The following CDYL2 variants were observed in gnomAD, a reference collection of about 807,000 sequenced individuals.
CDYL2 encodes the protein chromodomain Y-like protein 2.
In CDYL2, 23 loss-of-function variants were observed where a neutral mutation model predicts 49.4. The ratio of observed to expected loss-of-function variants is 0.47; its 90% CI spans 0.34 to 0.66. The LOEUF is 0.66. Among genes scored for constraint, CDYL2 ranks in the 30% least tolerant of loss-of-function variants. CDYL2 has a pLI of 0.01. For synonymous variants in CDYL2, 360 were observed against 268.8 expected (o/e 1.34, Z -3.32); for missense variants, 678 against 656.4 (o/e 1.03, Z -0.36).
In CDYL2 at chr16:80,794,775, G is replaced by A. The variant is rs559794814; in HGVS notation, c.24+9375C>T. On this transcript the variant is annotated intron_variant, in intron 1 of 6. Coordinates refer to ENST00000570137, the MANE Select transcript of CDYL2 (RefSeq NM_152342.4). ...TACAGGCATGTGCCACCACACACCC[G>A]GCTAATTTTGTGTTTTTAGTAGAGA... 3.4e-4 allele frequency among the ~76,000 whole-genome samples: 51 copies of A among 151,692 alleles called. 1 individual carries two copies. The highest frequency in any genetic ancestry group is 2.3e-3 in the Admixed American group (35 of 15,230).
chr16:80,762,394 A>C (rs143509304), intron 1 of CDYL2, among the ~76,000 whole-genome samples: 1 of 152,328 alleles, frequency 6.6e-6, no homozygotes, highest in East Asian at 1.9e-4. Flanking sequence ...CCAAACGTGG[A>C]AAGAGCAGAA....
At chr16:80,694,523 G>A (rs138007727) in intron 1 of CDYL2, among the ~76,000 whole-genome samples, 11 of 152,264 alleles carry the variant, frequency 7.2e-5, no homozygotes, top group African/African-American at 2.4e-4. Context: ...TAAAGGAGAA[G>A]ATTAGAATAA....
At chr16:80,738,709 T>A (rs1905627791) in intron 1 of CDYL2, 1 of 152,246 alleles carries the variant, frequency 6.6e-6, no homozygotes, top group Non-Finnish European at 1.5e-5. Context: ...CACAACTCTG[T>A]AAATACACTA....
chr16:80,622,605 T>G (rs1174158679), intron 3 of CDYL2, among the ~76,000 whole-genome samples: 1 of 152,182 alleles, frequency 6.6e-6, no homozygotes, highest in African/African-American at 2.4e-5. Flanking sequence ...TGGGGTATGG[T>G]GGACACTCAG....
At chr16:80,785,525 T>C (rs909682678) in intron 1 of CDYL2, among the ~76,000 whole-genome samples, 1 of 152,100 alleles carries the variant, frequency 6.6e-6, no homozygotes, top group Non-Finnish European at 1.5e-5. Context: ...ATCATGAAAA[T>C]GGCCTTACTG....
chr16:80,648,051 CA>C (rs1908426586), intron 2 of CDYL2, among the ~76,000 whole-genome samples: 1 of 151,012 alleles, frequency 6.6e-6, no homozygotes, highest in Non-Finnish European at 1.5e-5. Flanking sequence ...GTGCCTATAC[CA>C]AAAAAGAAGA....
At chr16:80,722,964 T>G (rs1905048408) in intron 1 of CDYL2, among the ~76,000 whole-genome samples, 2 of 152,054 alleles carry the variant, frequency 1.3e-5, no homozygotes, top group African/African-American at 4.8e-5. Flanking sequence ...GCAAGGAGGA[T>G]TTCCACAAGC....
At chr16:80,604,581 A>G (rs759322067) in intron 6 of CDYL2, 35 bp from the exon 7 acceptor site, 6 of 1,612,208 alleles carry the variant, frequency 3.7e-6, no homozygotes, top group Non-Finnish European at 5.1e-6. Context: ...TTAGCCGGGC[A>G]CCAGGGACTC....
chr16:80,651,316 C>T (rs1056942656), intron 2 of CDYL2, among the ~76,000 whole-genome samples: 11 of 151,894 alleles, frequency 7.2e-5, no homozygotes, highest in African/African-American at 1.7e-4. Context: ...ATAGTAAATG[C>T]GTATTACTAA....
chr16:80,752,922 T>C (rs548106380), intron 1 of CDYL2, among the ~76,000 whole-genome samples: 1 of 152,176 alleles, frequency 6.6e-6, no homozygotes, highest in Non-Finnish European at 1.5e-5. Flanking sequence ...CTATCCCATA[T>C]TGAAAGCTGA....
intron 1 of CDYL2, among the ~76,000 whole-genome samples, chr16:80,745,561 A>T (rs1242681705): frequency 6.6e-6 from 1 of 152,152 alleles, no homozygotes; most frequent in Non-Finnish European, 1.5e-5. Context: ...TGGTGTGAGG[A>T]TTAAAACACT....
Position 80,685,138 on chromosome 16 carries a change from C to A in CDYL2, c.25-9G>T. On this transcript the variant is annotated splice_polypyrimidine_tract_variant and intron_variant, in intron 1 of 6. Coordinates refer to ENST00000570137, the MANE Select transcript of CDYL2 (RefSeq NM_152342.4). ...TCTACAATCCTTTCAACCTGCGATACAAGATGAGAGGGTCAGAAAACAGAG... is the reference window on the plus strand; with the variant it reads ...TCTACAATCCTTTCAACCTGCGATAAAAGATGAGAGGGTCAGAAAACAGAG... 1 of 1,595,348 alleles carries A rather than the reference C, an allele frequency of 6.3e-7. No homozygotes were observed. The highest frequency in any genetic ancestry group is 1.1e-5 in the South Asian group (1 of 88,660).
At chr16:80,628,281 T>C (rs1447364656) in intron 3 of CDYL2, 1 of 152,242 alleles carries the variant, frequency 6.6e-6, no homozygotes, top group Admixed American at 6.5e-5. Context: ...AGACTGGACC[T>C]AGCAACTGGC....
At chr16:80,775,103 G>T (rs1275023234) in intron 1 of CDYL2, among the ~76,000 whole-genome samples, 1 of 151,708 alleles carries the variant, frequency 6.6e-6, no homozygotes, top group Non-Finnish European at 1.5e-5. Context: ...CATATGTTCA[G>T]GAAATCAGAA....
chr16:80,692,791 T>C (rs117513220), intron 1 of CDYL2, among the ~76,000 whole-genome samples: 81 of 152,354 alleles, frequency 5.3e-4, no homozygotes, highest in Non-Finnish European at 1.0e-3. Context: ...GAATGATGTC[T>C]GCCTTTATCA....
chr16:80,675,847 C>T (rs894776236), intron 2 of CDYL2, among the ~76,000 whole-genome samples: 1 of 152,130 alleles, frequency 6.6e-6, no homozygotes, highest in African/African-American at 2.4e-5. Context: ...CCCCACTATA[C>T]CCTTTTTGGA....
At chr16:80,614,630 C>A (rs1298318798) in intron 4 of CDYL2, among the ~76,000 whole-genome samples, 1 of 152,140 alleles carries the variant, frequency 6.6e-6, no homozygotes, top group African/African-American at 2.4e-5. Context: ...GTGTGGGAGG[C>A]CGAGGTGGAT....
chr16:80,655,026 C>G (rs563140727), intron 2 of CDYL2, among the ~76,000 whole-genome samples: 1 of 152,188 alleles, frequency 6.6e-6, no homozygotes, highest in Non-Finnish European at 1.5e-5. Context: ...CGGTCCCGTT[C>G]GTGGAGGCTT....
intron 2 of CDYL2, among the ~76,000 whole-genome samples, chr16:80,636,120 G>C (rs1256249124): frequency 1.3e-5 from 2 of 152,216 alleles, no homozygotes; most frequent in South Asian, 2.1e-4. Flanking sequence ...AGAAAACCTA[G>C]GCAATACCAT....
Sources: gnomAD v4.1 joint callset for allele counts (sites outside exome capture counted in the v4.1 genomes callset) on GRCh38, gnomAD v4.1.1 for gene constraint, MANE v1.5 for transcripts, NCBI Gene and HGNC (gene_info 2026-07-23, HGNC 2026-07-21) for gene names.